SHCBP1L: variants seen among roughly 807,000 people sequenced by gnomAD.
SHCBP1L encodes the protein testicular spindle-associated protein SHCBP1L.
Under a neutral mutation model 62.5 loss-of-function variants are expected in SHCBP1L, and 67 were observed. The observed-to-expected ratio is 1.07, with a 90% CI of 0.88 to 1.31. The LOEUF (loss-of-function observed/expected upper bound fraction) is 1.31. Among genes scored for constraint, SHCBP1L ranks in the 40% most tolerant of loss-of-function variants. The pLI is 0.00. For missense variants in SHCBP1L, 823 were observed against 809.8 expected, an observed-to-expected ratio of 1.02 and a Z score of -0.20; for synonymous variants, 284 against 289.4, an observed-to-expected ratio of 0.98 and a Z score of 0.19.
chr1:182,930,594 T>TATAA (rs1196006204), intron 5 of SHCBP1L, among the ~76,000 whole-genome samples: 14 of 99,880 alleles, frequency 1.4e-4, no homozygotes, highest in South Asian at 9.7e-4. Context: ...TATATATATA[T>TATAA]ACACATATAT....
intron 2 of SHCBP1L, chr1:182,942,195 T>C (rs1313180551): frequency 8.3e-7 from 1 of 1,205,468 alleles, no homozygotes; most frequent in African/African-American, 1.5e-5. Context: ...AAATCTTTAG[T>C]TTCTTGGTTA....
In SHCBP1L at chr1:182,931,943, A is replaced by ATTTTTTTTTTT. The variant is rs1164377476; in HGVS notation, c.1077-2202_1077-2192dup. Among the ~76,000 whole-genome samples the ATTTTTTTTTTT allele has an allele frequency of 2.5e-3, 175 of 69,664 alleles. 22 individuals carry two copies. The highest frequency in any genetic ancestry group is 0.01 in the African/African-American group (167 of 16,072). The allele number at this position is 69,664 out of a possible 152,430, so 45.7% of individuals were successfully genotyped here. A position where few individuals can be genotyped will look rare whatever the true frequency, so the allele number is the denominator to read the frequency against. On this transcript the variant is annotated intron_variant, in intron 5 of 9. Transcript: ENST00000367547. ...CTCCCTTAATACTTGGGAACCACTG[A>ATTTTTTTTTTT]TTTTTTTTTTTTTTTTTTTTTTTTT...
intron 6 of SHCBP1L, among the ~76,000 whole-genome samples, chr1:182,920,155 G>T (rs1650485517): frequency 6.6e-6 from 1 of 152,188 alleles, no homozygotes. Context: ...AAGGGCTTTG[G>T]TTAGCACTCA....
chr1:182,901,628 C>T (rs1269993958), intron 9 of SHCBP1L, among the ~76,000 whole-genome samples: 1 of 152,100 alleles, frequency 6.6e-6, no homozygotes, highest in Non-Finnish European at 1.5e-5. Context: ...TTTTATAAAC[C>T]ATGTTTATCA....
In SHCBP1L at chr1:182,952,994, A is replaced by C. The variant is rs1651843899; in HGVS notation, c.140T>G (p.Val47Gly). 6.5e-7 allele frequency: 1 copy of C among 1,543,334 alleles called. No homozygotes were observed. Among genetic ancestry groups the C allele is most frequent in the Non-Finnish European group, 8.7e-7 (1 of 1,148,004 alleles). ...ATTLKGTAIP[V>G]RSVVASPRPV... ...GCGAGGGGAGGCCACCACCGACCGC[A>C]CTGGGATCGCGGTGCCCTTCAGGGT... The change falls in exon 1 of 10, where the codon GTG (valine) becomes GGG (glycine). Residue 47 changes from valine to glycine, a missense_variant. Val to Gly is a moderately radical substitution (Grantham distance 109). Transcript: ENST00000367547.
rs543806572 is a variant in SHCBP1L, at chr1:182,928,792, A to G, written c.1182+855T>C. On this transcript the variant is annotated intron_variant, in intron 6 of 9. Transcript: ENST00000367547. ...CAATTAATTGATGTACTGGTGAGAC[A>G]ATTAAGTGGTCATAAGCAATAGGCA... 5.3e-5 allele frequency among the ~76,000 whole-genome samples: 8 copies of G among 152,288 alleles called. No individual in the cohort carries two copies. The East Asian group carries it at 1.5e-3, about 29-fold the overall frequency.
chr1:182,919,978 A>G (rs1650479172), intron 6 of SHCBP1L, among the ~76,000 whole-genome samples: 1 of 152,088 alleles, frequency 6.6e-6, no homozygotes, highest in Non-Finnish European at 1.5e-5. Flanking sequence ...GCACACATGC[A>G]TGCACACTTT....
intron 6 of SHCBP1L, among the ~76,000 whole-genome samples, chr1:182,915,968 G>T (rs569211417): frequency 7.2e-5 from 11 of 152,028 alleles, no homozygotes; most frequent in Admixed American, 5.2e-4. Context: ...CATCACGCCC[G>T]GCTAATTTTT....
At chr1:182,926,763 G>T (rs983959057) in intron 6 of SHCBP1L, among the ~76,000 whole-genome samples, 1 of 151,974 alleles carries the variant, frequency 6.6e-6, no homozygotes, top group Admixed American at 6.6e-5. Context: ...CTAGATCTGG[G>T]AGAATGACTA....
At chr1:182,947,837 C>A (rs1256145431) in intron 2 of SHCBP1L, among the ~76,000 whole-genome samples, 1 of 152,164 alleles carries the variant, frequency 6.6e-6, no homozygotes, top group Non-Finnish European at 1.5e-5. Flanking sequence ...CACCACCACC[C>A]AGTTCATTTT....
At chr1:182,903,865 A>G (rs565213792) in intron 8 of SHCBP1L, among the ~76,000 whole-genome samples, 1 of 152,330 alleles carries the variant, frequency 6.6e-6, no homozygotes, top group African/African-American at 2.4e-5. Context: ...AACATCTGAT[A>G]ACTTACATGT....
intron 1 of SHCBP1L, chr1:182,951,893 G>A (rs1378232883): frequency 1.4e-5 from 5 of 360,496 alleles, no homozygotes; most frequent in Non-Finnish European, 2.8e-5. Flanking sequence ...GGTGGCTCAT[G>A]CCTGTAATCC....
At chr1:182,943,132 T>A (rs1201745687) in intron 2 of SHCBP1L, among the ~76,000 whole-genome samples, 1 of 152,180 alleles carries the variant, frequency 6.6e-6, no homozygotes, top group African/African-American at 2.4e-5. Context: ...CTCTTTTTTT[T>A]AAGAAACAGG....
At chr1:182,944,949 C>CTTT (rs1476695849) in intron 2 of SHCBP1L, among the ~76,000 whole-genome samples, 3 of 138,286 alleles carry the variant, frequency 2.2e-5, no homozygotes, top group African/African-American at 8.2e-5. Flanking sequence ...TTTCTTTTTT[C>CTTT]TTTCTTTCTT....
chr1:182,931,943 A>ATTTTTTTTTTTTTTTT (rs1164377476), intron 5 of SHCBP1L, among the ~76,000 whole-genome samples: 2 of 69,678 alleles, frequency 2.9e-5, no homozygotes, highest in African/African-American at 1.2e-4. Flanking sequence ...GGAACCACTG[A>ATTTTTTTTTTTTTTTT]TTTTTTTTTT....
chr1:182,947,595 G>GACA (rs1651606686), intron 2 of SHCBP1L, among the ~76,000 whole-genome samples: 1 of 152,176 alleles, frequency 6.6e-6, no homozygotes, highest in Non-Finnish European at 1.5e-5. Context: ...CTACCCTAGT[G>GACA]ACAGCAGGAC....
intron 2 of SHCBP1L, among the ~76,000 whole-genome samples, chr1:182,944,018 G>A (rs2101955986): frequency 6.6e-6 from 1 of 151,640 alleles, no homozygotes; most frequent in African/African-American, 2.4e-5. Flanking sequence ...CTACTCAGGA[G>A]GCTGAGGCAG....
In SHCBP1L at chr1:182,924,143, C is replaced by T. The variant is rs894425287; in HGVS notation, c.1182+5504G>A. ...AACACAATCCCATTCACAATGGCCA[C>T]ACACACAAAATAAAATACCTAGGAA... On this transcript the variant is annotated intron_variant, in intron 6 of 9. Coordinates refer to ENST00000367547, the MANE Select transcript of SHCBP1L (RefSeq NM_030933.4). Among the ~76,000 whole-genome samples, 6 of 152,040 alleles carry T rather than the reference C, an allele frequency of 3.9e-5. No homozygotes were observed. In the South Asian group the frequency reaches 1.0e-3, roughly 26 times the overall value.
chr1:182,923,061 C>T (rs1279758267), intron 6 of SHCBP1L, among the ~76,000 whole-genome samples: 2 of 152,112 alleles, frequency 1.3e-5, no homozygotes, highest in Admixed American at 1.3e-4. Flanking sequence ...ACTACTGACA[C>T]CACAGAAATA....
Sources: gnomAD v4.1 joint callset for allele counts (sites outside exome capture counted in the v4.1 genomes callset) on GRCh38, gnomAD v4.1.1 for gene constraint, MANE v1.5 for transcripts, NCBI Gene and HGNC (gene_info 2026-07-23, HGNC 2026-07-21) for gene names.